The following RASGRP3 variants were observed in gnomAD, a reference collection of about 807,000 sequenced individuals.
RASGRP3 encodes the protein ras guanyl-releasing protein 3.
A neutral mutation model predicts 82.7 loss-of-function variants in RASGRP3; 54 were observed. That is an observed-to-expected ratio of 0.65 (90% CI 0.52 to 0.82). The LOEUF is 0.82. RASGRP3 is among the 40% of genes least tolerant of loss of function. The probability of loss-of-function intolerance (pLI) is 0.00; values close to 1 mark genes in which losing one functional copy is unlikely to be tolerated. For missense variants in RASGRP3, 861 were observed against 828.9 expected (o/e 1.04, Z -0.48); for synonymous variants, 309 against 300.5 (o/e 1.03, Z -0.29).
At chr2:33,536,523 T>C (rs1172422345) in intron 11 of RASGRP3, among the ~76,000 whole-genome samples, 2 of 151,992 alleles carry the variant, frequency 1.3e-5, no homozygotes, top group South Asian at 4.2e-4. Context: ...TTGCCTGCCT[T>C]GTGTGCCTTT....
chr2:33,533,040 A>G (rs1231651351), intron 10 of RASGRP3: 1 of 152,186 alleles, frequency 6.6e-6, no homozygotes, highest in Non-Finnish European at 1.5e-5. Context: ...TGTTAGATAA[A>G]ATATGTTAAA....
At chr2:33,464,106 TAA>T (rs1666539352) in intron 2 of RASGRP3, among the ~76,000 whole-genome samples, 8 of 143,968 alleles carry the variant, frequency 5.6e-5, no homozygotes, top group African/African-American at 2.1e-4. Flanking sequence ...TTAATAATAA[TAA>T]TAATTATTAT....
intron 2 of RASGRP3, among the ~76,000 whole-genome samples, chr2:33,513,478 T>C (rs1671131183): frequency 6.6e-6 from 1 of 152,242 alleles, no homozygotes. Context: ...ACCAAGTTCC[T>C]GGCATAGGTC....
intron 4 of RASGRP3, 66 bp from the exon 5 acceptor site, chr2:33,519,886 G>C: frequency 3.6e-6 from 4 of 1,109,126 alleles, no homozygotes; most frequent in Non-Finnish European, 5.4e-6. Context: ...TATACATTGA[G>C]GGCACAGCTG....
In RASGRP3 at chr2:33,511,744, A is replaced by G. The variant is rs558900624; in HGVS notation, c.-226A>G. ...AATACTTATCATTCAGGTTGAATAA[A>G]CCAGTTCTACAGACTGCTTCTTCCA... On this transcript the variant is annotated 5_prime_UTR_variant, in exon 2 of 18. Transcript: ENST00000403687. 6.6e-6 allele frequency: 1 copy of G among 152,596 alleles called. No individual in the cohort carries two copies. The highest frequency in any genetic ancestry group is 2.4e-5 in the African/African-American group (1 of 41,442). The allele number at this position is 152,596 out of a possible 1,614,324, so 9.5% of individuals were successfully genotyped here.
rs1228353532 is a variant in RASGRP3, at chr2:33,450,633, T to C, written c.-261+2690T>C. On this transcript the variant is annotated intron_variant, in intron 2 of 18. Coordinates refer to the RASGRP3 transcript ENST00000402538. ...ATCCATTCAACTGTCAATGGATGCT[T>C]AGGCTGATTCCACATCTTGGCTATT... 4.6e-5 allele frequency among the ~76,000 whole-genome samples: 7 copies of C among 151,994 alleles called. No individual in the cohort carries two copies. In the East Asian group the frequency reaches 1.3e-3, roughly 29 times the overall value.
At chr2:33,556,994 A>G (rs1362038523) in intron 15 of RASGRP3, among the ~76,000 whole-genome samples, 3 of 151,366 alleles carry the variant, frequency 2.0e-5, no homozygotes, top group Non-Finnish European at 4.4e-5. Context: ...TTAATGGCAC[A>G]TAAAGTGAAA....
At chr2:33,476,049 T>G (rs531590824), upstream of RASGRP3, among the ~76,000 whole-genome samples, 58 of 152,274 alleles carry the variant, frequency 3.8e-4, no homozygotes, top group African/African-American at 1.4e-3. Context: ...TATTTGCCCC[T>G]CAGCGTCCCT....
chr2:33,521,180 G>A (rs1671997250), intron 6 of RASGRP3, among the ~76,000 whole-genome samples: 2 of 152,182 alleles, frequency 1.3e-5, no homozygotes, highest in South Asian at 4.1e-4. Flanking sequence ...GTACCATGGT[G>A]CTGCTGAGGT....
chr2:33,562,660 C>CTT (rs1465547783), intron 17 of RASGRP3, 69 bp from the exon 18 acceptor site: 2 of 1,557,420 alleles, frequency 1.3e-6, no homozygotes, highest in Non-Finnish European at 1.8e-6. Flanking sequence ...TGAAAAACTG[C>CTT]TTTCTAGGAA....
intron 2 of RASGRP3, among the ~76,000 whole-genome samples, chr2:33,454,184 G>A (rs550127574): frequency 7.3e-5 from 11 of 151,352 alleles, no homozygotes; most frequent in Admixed American, 1.3e-4. Context: ...TGTCTCTGTG[G>A]ATTGAAATGG....
chr2:33,498,157 A>G (rs1207573232), intron 1 of RASGRP3, among the ~76,000 whole-genome samples: 1 of 152,224 alleles, frequency 6.6e-6, no homozygotes, highest in Non-Finnish European at 1.5e-5. Flanking sequence ...GTCCCTTACC[A>G]AGAAAATAAT....
chr2:33,442,959 T>A (rs1665307299), intron 1 of RASGRP3, among the ~76,000 whole-genome samples: 1 of 152,270 alleles, frequency 6.6e-6, no homozygotes, highest in Non-Finnish European at 1.5e-5. Flanking sequence ...GTGTTTTTAA[T>A]TCAGTAATCC....
intron 1 of RASGRP3, among the ~76,000 whole-genome samples, chr2:33,509,250 A>G (rs1461612346): frequency 6.6e-6 from 1 of 152,102 alleles, no homozygotes; most frequent in Non-Finnish European, 1.5e-5. Flanking sequence ...AAAAATACAA[A>G]AATTAGCCAG....
rs1574433930 is a variant in RASGRP3, at chr2:33,529,793, C to A, written c.1083+2381C>A. Among the ~76,000 whole-genome samples, 4 of 152,154 alleles carry A rather than the reference C, an allele frequency of 2.6e-5. No individual in the cohort carries two copies. In the South Asian group the frequency reaches 6.2e-4, roughly 24 times the overall value. ...AGGGTTTTATGCTCATTTGTGAGGT[C>A]TTTTCCAGCTCTAAACTTCTAGGAT... On this transcript the variant is annotated intron_variant, in intron 10 of 17. Coordinates refer to ENST00000403687, the MANE Select transcript of RASGRP3 (RefSeq NM_001139488.2).
At chr2:33,442,321 G>A (rs909585652) in intron 1 of RASGRP3, among the ~76,000 whole-genome samples, 2 of 152,182 alleles carry the variant, frequency 1.3e-5, no homozygotes, top group Non-Finnish European at 2.9e-5. Context: ...CCAAGATCGC[G>A]CCGCTGCACT....
chr2:33,537,165 G>A (rs1180673189), intron 11 of RASGRP3, among the ~76,000 whole-genome samples: 3 of 151,098 alleles, frequency 2.0e-5, no homozygotes, highest in African/African-American at 7.3e-5. Flanking sequence ...TTGTATTAGG[G>A]TTCTCTTAGA....
At chr2:33,551,469 A>T (rs558452193) in intron 14 of RASGRP3, among the ~76,000 whole-genome samples, 1 of 152,186 alleles carries the variant, frequency 6.6e-6, no homozygotes, top group African/African-American at 2.4e-5. Context: ...CTGCTGGGCC[A>T]TGGTATGGCT....
chr2:33,472,678 C>T (rs74261892), upstream of RASGRP3, among the ~76,000 whole-genome samples: 1 of 151,992 alleles, frequency 6.6e-6, no homozygotes, highest in African/African-American at 2.4e-5. Context: ...GCCAAAAGGT[C>T]AAGTAAGATG....
Sources: gnomAD v4.1 joint callset for allele counts (sites outside exome capture counted in the v4.1 genomes callset) on GRCh38, gnomAD v4.1.1 for gene constraint, MANE v1.5 for transcripts, NCBI Gene and HGNC (gene_info 2026-07-23, HGNC 2026-07-21) for gene names.